SASH1: variants seen among roughly 807,000 people sequenced by gnomAD.
SASH1 encodes the protein SAM and SH3 domain-containing protein 1.
SASH1 carries 44 observed loss-of-function variants against 125.2 expected under a neutral mutation model. The ratio of observed to expected loss-of-function variants is 0.35; its 90% CI spans 0.28 to 0.45. The LOEUF (loss-of-function observed/expected upper bound fraction) is 0.45. Ranked by LOEUF, SASH1 falls within the 20% of genes least tolerant of loss-of-function variation. The probability of loss-of-function intolerance (pLI) is 1.00; values close to 1 mark genes in which losing one functional copy is unlikely to be tolerated. For synonymous variants in SASH1, 639 were observed against 649.1 expected (o/e 0.98, Z 0.24); for missense variants, 1,426 against 1,614.5 (o/e 0.88, Z 2.00).
intron 8 of SASH1, among the ~76,000 whole-genome samples, chr6:148,505,469 CCTGA>C (rs1025905013): frequency 6.6e-6 from 1 of 151,592 alleles, no homozygotes; most frequent in African/African-American, 2.4e-5. Context: ...GTGCACTATG[CCTGA>C]CTAATTTTTG....
At chr6:148,366,042 G>A (rs889647595) in intron 1 of SASH1, among the ~76,000 whole-genome samples, 1 of 152,122 alleles carries the variant, frequency 6.6e-6, no homozygotes, top group African/African-American at 2.4e-5. Flanking sequence ...GAACCTGGGA[G>A]GTGGAGGTTG....
Position 148,514,085 on chromosome 6 carries a change from C to T in SASH1, c.730-239C>T, listed in dbSNP as rs953035114. The T allele has an allele frequency of 4.1e-6, 5 of 1,233,060 alleles. No homozygotes were observed. In the African/African-American group the frequency reaches 6.3e-5, roughly 16 times the overall value. 76.4% of individuals were successfully genotyped at this position (1,233,060 alleles called of 1,614,324 possible). ...GATGCCCCCACAGGCCACTTGCCCC[C>T]ACTTGCCCTTGAGGGCAAGGATGTG... On this transcript the variant is annotated intron_variant, in intron 8 of 19. Transcript: ENST00000367467.
chr6:148,225,139 A>G, the SASH1 span, among the ~76,000 whole-genome samples: 1 of 152,248 alleles, frequency 6.6e-6, no homozygotes, highest in Non-Finnish European at 1.5e-5. Context: ...TGTCTTAAGC[A>G]TTGGAGTGGC....
intron 1 of SASH1, among the ~76,000 whole-genome samples, chr6:148,295,800 C>T (rs1779748922): frequency 6.6e-6 from 1 of 152,196 alleles, no homozygotes; most frequent in Non-Finnish European, 1.5e-5. Context: ...CAAAGAAGGG[C>T]TGTGTGTTGA....
At chr6:148,439,120 G>T (rs993219832) in intron 2 of SASH1, among the ~76,000 whole-genome samples, 33 of 152,082 alleles carry the variant, frequency 2.2e-4, no homozygotes, top group African/African-American at 7.7e-4. Flanking sequence ...TTTATCACAG[G>T]TAATTTGTTT....
chr6:148,217,553 G>A, the SASH1 span, among the ~76,000 whole-genome samples: 1 of 152,148 alleles, frequency 6.6e-6, no homozygotes, highest in Non-Finnish European at 1.5e-5. Context: ...TGTGGTGGAG[G>A]CAGGGTTCAA....
In SASH1 at chr6:148,532,494, G is replaced by A. The variant is rs148658462; in HGVS notation, c.1565-303G>A. On this transcript the variant is annotated intron_variant, in intron 13 of 19. Coordinates refer to ENST00000367467, the MANE Select transcript of SASH1 (RefSeq NM_015278.5). The surrounding 1 kb of genome is among the most constrained non-coding windows in gnomAD (Gnocchi z 4.7). ...GTGTGCATTACCACTGAGAGGTCAC[G>A]AATGTTAAGAGCAGAGTCTGGTGCC... Among the ~76,000 whole-genome samples, 11 of 152,154 alleles carry A rather than the reference G, an allele frequency of 7.2e-5. No homozygotes were observed. Among genetic ancestry groups the A allele is most frequent in the African/African-American group, 1.7e-4 (7 of 41,430 alleles).
intron 7 of SASH1, among the ~76,000 whole-genome samples, chr6:148,487,177 C>CT (rs1347155533): frequency 1.3e-5 from 2 of 148,172 alleles, no homozygotes; most frequent in South Asian, 2.2e-4. Flanking sequence ...TGTCTGTAGT[C>CT]TGTCATTTTC....
intron 1 of SASH1, among the ~76,000 whole-genome samples, chr6:148,369,969 A>AAAC (rs1782645203): frequency 6.9e-6 from 1 of 145,576 alleles, no homozygotes; most frequent in South Asian, 2.1e-4. Context: ...AGAAAAACAA[A>AAAC]AAAAAAAAAA....
the SASH1 span, among the ~76,000 whole-genome samples, chr6:148,238,095 A>C: frequency 2.0e-5 from 3 of 152,000 alleles, no homozygotes; most frequent in Non-Finnish European, 4.4e-5. Context: ...TTTTTCTTCA[A>C]GTTTTTACTC....
chr6:148,246,231 G>A, the SASH1 span, among the ~76,000 whole-genome samples: 1 of 152,144 alleles, frequency 6.6e-6, no homozygotes, highest in Non-Finnish European at 1.5e-5. Context: ...ACAGGAATAA[G>A]TAGAAGTCTT....
At position 148,495,406 on chromosome 6, in the gene SASH1, A is replaced by G. The variant is rs1779269940; in HGVS notation, c.729+7691A>G. On this transcript the variant is annotated intron_variant, in intron 8 of 19. Transcript: ENST00000367467. The surrounding 1 kb of genome is among the most constrained non-coding windows in gnomAD (Gnocchi z 4.0). Reference sequence around the variant, plus strand: ...TCTGCTATTGTGAGCTCAACTCAAAATTTTAAAGGTTGACTATTCTTGCTG... The same window carrying G: ...TCTGCTATTGTGAGCTCAACTCAAAGTTTTAAAGGTTGACTATTCTTGCTG... Among the ~76,000 whole-genome samples, 1 of 152,300 alleles carries G rather than the reference A, an allele frequency of 6.6e-6. No homozygotes were observed. Among genetic ancestry groups the G allele is most frequent in the Admixed American group, 6.5e-5 (1 of 15,296 alleles).
chr6:148,508,810 G>C, intron 8 of SASH1: 1 of 732,390 alleles, frequency 1.4e-6, no homozygotes, highest in East Asian at 7.1e-5. Context: ...CTCTCCGAGT[G>C]GGGAGGGGGG....
At chr6:148,530,145 C>T (rs1283652423) in intron 12 of SASH1, among the ~76,000 whole-genome samples, 4 of 152,106 alleles carry the variant, frequency 2.6e-5, no homozygotes, top group Non-Finnish European at 5.9e-5. Context: ...AATATACCAA[C>T]CATTATGGTA....
rs201145545 is a variant in SASH1 at position 148,381,617 on chromosome 6, C to CTTTTTTTTTTTTT, written c.157-8503_157-8491dup. ...ACTCCATCAGTGCCTTTCTTGCTTTCTTTTTTTTTTTTTTTTTTTTTTTTT... is the reference window on the plus strand; with the variant it reads ...ACTCCATCAGTGCCTTTCTTGCTTTCTTTTTTTTTTTTTTTTTTTTTTTTTTTTTTTTTTTTTT... On this transcript the variant is annotated intron_variant, in intron 1 of 19. Coordinates refer to ENST00000367467, the MANE Select transcript of SASH1 (RefSeq NM_015278.5). Among the ~76,000 whole-genome samples the CTTTTTTTTTTTTT allele has an allele frequency of 2.9e-3, 226 of 77,890 alleles. 32 individuals are homozygous for CTTTTTTTTTTTTT. The highest frequency in any genetic ancestry group is 4.9e-3 in the South Asian group (8 of 1,618). The allele number at this position is 77,890 out of a possible 152,430, so 51.1% of individuals were successfully genotyped here.
chr6:148,519,972 A>G lies in SASH1; in HGVS notation c.1209+79A>G, dbSNP rs572247463. 21 of 934,124 alleles carry G rather than the reference A, an allele frequency of 2.2e-5. No homozygotes were observed. The highest frequency in any genetic ancestry group is 1.6e-4 in the East Asian group (6 of 37,818). 57.9% of individuals were successfully genotyped at this position (934,124 alleles called of 1,614,324 possible). A position where few individuals can be genotyped will look rare whatever the true frequency, so the allele number is the denominator to read the frequency against. ...TCTGGTGTCCCTGGAGGAGTTTCAG[A>G]GTGTCCGGAAGCAAATCCGCTTGAA... On this transcript the variant is annotated intron_variant, in intron 10 of 19. Transcript: ENST00000367467. This position sits in a 1 kb window ranked among gnomAD's most constrained non-coding sequence, Gnocchi z 4.8.
chr6:148,205,618 C>A, the SASH1 span, among the ~76,000 whole-genome samples: 1 of 152,084 alleles, frequency 6.6e-6, no homozygotes, highest in African/African-American at 2.4e-5. Context: ...CCCAACCTTG[C>A]CTTTCCCTAG....
At chr6:148,290,810 T>C (rs1779611648) in intron 1 of SASH1, among the ~76,000 whole-genome samples, 1 of 146,756 alleles carries the variant, frequency 6.8e-6, no homozygotes, top group Non-Finnish European at 1.5e-5. Flanking sequence ...TTCCCTCCAC[T>C]ATTGTCCTAT....
At chr6:148,477,612 G>A (rs994830380) in intron 7 of SASH1, among the ~76,000 whole-genome samples, 10 of 151,334 alleles carry the variant, frequency 6.6e-5, no homozygotes, top group Non-Finnish European at 1.3e-4. Context: ...TGCGACCTCC[G>A]CCTCCTGGGT....
Sources: allele counts gnomAD v4.1 joint callset (sites outside exome capture counted in the v4.1 genomes callset), GRCh38; gene constraint gnomAD v4.1.1; non-coding constraint Gnocchi (gnomAD v3.1); transcripts MANE v1.5; gene names NCBI Gene and HGNC (gene_info 2026-07-23, HGNC 2026-07-21).